NCALD: variants seen among roughly 807,000 people sequenced by gnomAD.
The protein encoded by NCALD is neurocalcin delta, also known as neurocalcin-delta.
NCALD carries 10 observed loss-of-function variants against 18.6 expected under a neutral mutation model. The observed-to-expected ratio is 0.54, with a 90% CI of 0.33 to 0.91. The LOEUF is 0.91. NCALD is among the 40% of genes least tolerant of loss of function. The probability of loss-of-function intolerance (pLI) is 0.03; values close to 1 mark genes in which losing one functional copy is unlikely to be tolerated. For synonymous variants in NCALD, 88 were observed against 87.4 expected (o/e 1.01, Z -0.04); for missense variants, 184 against 247.6 (o/e 0.74, Z 1.72).
intron 4 of NCALD, among the ~76,000 whole-genome samples, chr8:101,861,061 G>A (rs1815521530): frequency 6.6e-6 from 1 of 152,096 alleles, no homozygotes; most frequent in Non-Finnish European, 1.5e-5. Flanking sequence ...AGCAAGGAAA[G>A]GATGCTCCCC....
At chr8:101,722,447 A>G (rs776613264) in intron 1 of NCALD, among the ~76,000 whole-genome samples, 1 of 152,224 alleles carries the variant, frequency 6.6e-6, no homozygotes, top group Non-Finnish European at 1.5e-5. Flanking sequence ...AGTAATTTCA[A>G]GTTTTCCTTT....
chr8:101,861,305 G>A (rs989934583), intron 4 of NCALD, among the ~76,000 whole-genome samples: 4 of 152,014 alleles, frequency 2.6e-5, no homozygotes, highest in African/African-American at 4.8e-5. Context: ...CCTGGACCAC[G>A]GGAAGTTGAC....
chr8:101,936,058 A>G (rs1818751608), intron 2 of NCALD, among the ~76,000 whole-genome samples: 2 of 152,058 alleles, frequency 1.3e-5, no homozygotes, highest in Non-Finnish European at 2.9e-5. Flanking sequence ...GAATCTGTGG[A>G]AGTTCTTTGA....
chr8:101,881,659 T>C (rs901959437), intron 4 of NCALD, among the ~76,000 whole-genome samples: 8 of 152,016 alleles, frequency 5.3e-5, no homozygotes, highest in African/African-American at 1.5e-4. Flanking sequence ...TGTATCTTCT[T>C]AAGAAACAAT....
intron 3 of NCALD, among the ~76,000 whole-genome samples, chr8:101,905,277 CTCTCT>C: frequency 9.8e-6 from 1 of 101,544 alleles, no homozygotes; most frequent in Non-Finnish European, 1.9e-5. Flanking sequence ...CTCTCCTCTC[CTCTCT>C]CTCTCTCTCT....
At chr8:101,956,931 T>C (rs1819650639) in intron 2 of NCALD, among the ~76,000 whole-genome samples, 1 of 152,070 alleles carries the variant, frequency 6.6e-6, no homozygotes, top group Non-Finnish European at 1.5e-5. Flanking sequence ...AGATACCAAT[T>C]AGGGAAAAGT....
intron 2 of NCALD, among the ~76,000 whole-genome samples, chr8:101,938,341 T>G (rs1195443267): frequency 6.6e-6 from 1 of 152,210 alleles, no homozygotes; most frequent in Non-Finnish European, 1.5e-5. Context: ...TACACTCTTA[T>G]GCCCACTTAA....
At chr8:102,081,576 A>ACCCCC (rs55666233) in intron 1 of NCALD, among the ~76,000 whole-genome samples, 13 of 63,448 alleles carry the variant, frequency 2.0e-4, no homozygotes, top group South Asian at 1.6e-3. Flanking sequence ...AAAAAAAAAA[A>ACCCCC]CCCCAAAAAA....
chr8:101,978,227 C>T (rs1820494881), intron 2 of NCALD, among the ~76,000 whole-genome samples: 2 of 151,980 alleles, frequency 1.3e-5, no homozygotes, highest in South Asian at 2.1e-4. Context: ...TCTTTTTTCC[C>T]CTTTGCTAAT....
intron 2 of NCALD, among the ~76,000 whole-genome samples, chr8:101,952,447 G>A (rs904701914): frequency 6.6e-6 from 1 of 152,110 alleles, no homozygotes; most frequent in Non-Finnish European, 1.5e-5. Context: ...TCTTACCCCT[G>A]GTTTTGGGGG....
At chr8:102,089,688 A>T (rs1224533723) in intron 1 of NCALD, among the ~76,000 whole-genome samples, 1 of 152,192 alleles carries the variant, frequency 6.6e-6, no homozygotes, top group African/African-American at 2.4e-5. Context: ...AATTATAAAA[A>T]GTAATGGGAA....
Position 101,934,915 on chromosome 8 carries a change from C to T in NCALD, c.-156-19057G>A, listed in dbSNP as rs1048848301. On this transcript the variant is annotated intron_variant, in intron 2 of 6. Transcript: ENST00000311028. ...TTGGGCCATCCTCCTCAGACTTAGG[C>T]AAAACTAAAATAAGTGAAAATATCA... 7.9e-5 allele frequency among the ~76,000 whole-genome samples: 12 copies of T among 152,030 alleles called. 1 individual carries two copies. In the South Asian group the frequency reaches 2.5e-3, roughly 32 times the overall value.
chr8:101,829,677 T>C (rs1445602225), intron 4 of NCALD, among the ~76,000 whole-genome samples: 3 of 150,114 alleles, frequency 2.0e-5, no homozygotes, highest in Admixed American at 2.0e-4. Flanking sequence ...CACACACACA[T>C]ACAAATTTAA....
chr8:101,792,086 G>A (rs899848725), upstream of NCALD, among the ~76,000 whole-genome samples: 7 of 152,116 alleles, frequency 4.6e-5, no homozygotes, highest in African/African-American at 1.4e-4. Context: ...CAAAGGACAA[G>A]GAGTTAAAAG....
intron 1 of NCALD, among the ~76,000 whole-genome samples, chr8:101,736,699 G>A (rs1332791334): frequency 6.6e-6 from 1 of 152,144 alleles, no homozygotes; most frequent in African/African-American, 2.4e-5. Flanking sequence ...AACCTCTGGG[G>A]TTTTCAAGGC....
At chr8:102,121,235 T>C (rs1448066334) in intron 1 of NCALD, among the ~76,000 whole-genome samples, 1 of 152,182 alleles carries the variant, frequency 6.6e-6, no homozygotes, top group Non-Finnish European at 1.5e-5. Flanking sequence ...TGTGTTTTTG[T>C]TTACAACGCT....
chr8:101,704,546 G>C (rs1298586607), intron 2 of NCALD, among the ~76,000 whole-genome samples: 1 of 152,182 alleles, frequency 6.6e-6, no homozygotes, highest in Non-Finnish European at 1.5e-5. Context: ...TCACAAATGC[G>C]AGATGAGTCT....
At chr8:101,846,688 A>T (rs1182233672) in intron 4 of NCALD, among the ~76,000 whole-genome samples, 1 of 152,232 alleles carries the variant, frequency 6.6e-6, no homozygotes, top group Admixed American at 6.5e-5. Flanking sequence ...ATTCTAGGCC[A>T]GTGGTCCTCA....
At chr8:101,833,135 A>T (rs1175290727) in intron 4 of NCALD, among the ~76,000 whole-genome samples, 1 of 152,136 alleles carries the variant, frequency 6.6e-6, no homozygotes, top group Non-Finnish European at 1.5e-5. Flanking sequence ...CCTGGGCCTC[A>T]CTTTCCTCGT....
Sources: allele counts gnomAD v4.1 joint callset (sites outside exome capture counted in the v4.1 genomes callset), GRCh38; gene constraint gnomAD v4.1.1; transcripts MANE v1.5; gene names NCBI Gene and HGNC (gene_info 2026-07-23, HGNC 2026-07-21).